The following RPN1 variants were observed in gnomAD, a reference collection of about 807,000 sequenced individuals.
RPN1 encodes the protein dolichyl-diphosphooligosaccharide--protein glycosyltransferase subunit 1.
A neutral mutation model predicts 55.5 loss-of-function variants in RPN1; 12 were observed. The observed-to-expected ratio is 0.22, with a 90% CI of 0.14 to 0.35. RPN1 has a LOEUF of 0.35. RPN1 is among the 10% of genes least tolerant of loss of function. The pLI, the probability that RPN1 is intolerant of heterozygous loss-of-function variation, is 1.00. For synonymous variants in RPN1, 317 were observed against 305.9 expected (o/e 1.04, Z -0.38); for missense variants, 679 against 761.3 (o/e 0.89, Z 1.27).
chr3:128,638,922 C>T (rs9853597), intron 2 of RPN1, among the ~76,000 whole-genome samples: 50,657 of 151,336 alleles, frequency 0.33, 8,763 homozygotes, highest in Middle Eastern at 0.42. Context: ...GCCAAGATAG[C>T]GCCACTACAC....
At chr3:128,643,283 C>G (rs371349841) in intron 2 of RPN1, among the ~76,000 whole-genome samples, 1 of 150,526 alleles carries the variant, frequency 6.6e-6, no homozygotes, top group African/African-American at 2.5e-5. Flanking sequence ...GCCGAGATCA[C>G]GCCACTGCAC....
chr3:128,639,474 AT>A (rs1167921771), intron 2 of RPN1, among the ~76,000 whole-genome samples: 68 of 150,902 alleles, frequency 4.5e-4, no homozygotes, highest in African/African-American at 1.3e-3. Flanking sequence ...AAAAAAAAAA[AT>A]GAATGAATGT....
At chr3:128,626,236 T>G (rs2069599201) in intron 6 of RPN1, among the ~76,000 whole-genome samples, 1 of 152,160 alleles carries the variant, frequency 6.6e-6, no homozygotes, top group Non-Finnish European at 1.5e-5. Context: ...GGGCAACAAC[T>G]GTCCCTCTGA....
At chr3:128,628,827 C>G (rs1322737697) in intron 5 of RPN1, among the ~76,000 whole-genome samples, 1 of 151,832 alleles carries the variant, frequency 6.6e-6, no homozygotes, top group Admixed American at 6.6e-5. Flanking sequence ...ACTAAAAATA[C>G]AAAAAATAAC....
chr3:128,635,612 G>GATATAT (rs112246211), intron 3 of RPN1, among the ~76,000 whole-genome samples: 1 of 125,720 alleles, frequency 8.0e-6, no homozygotes, highest in Non-Finnish European at 1.6e-5. Flanking sequence ...TATAACTTGA[G>GATATAT]ATATATATAT....
chr3:128,649,192 G>C (rs555273711), intron 1 of RPN1, among the ~76,000 whole-genome samples: 17 of 152,218 alleles, frequency 1.1e-4, no homozygotes, highest in African/African-American at 3.9e-4. Flanking sequence ...CTAATAATAG[G>C]CAGTTTTTTG....
chr3:128,632,657 C>A (rs2069650247), intron 3 of RPN1, among the ~76,000 whole-genome samples: 1 of 151,864 alleles, frequency 6.6e-6, no homozygotes, highest in Non-Finnish European at 1.5e-5. Context: ...TACAATGGTA[C>A]AACCTCAGCT....
Position 128,625,962 on chromosome 3 carries a change from A to T in RPN1, c.1187T>A (p.Leu396Gln). The change falls in exon 7 of 10, where the codon CTG (leucine) becomes CAG (glutamine). Residue 396 changes from leucine to glutamine, a missense_variant. By Grantham distance (113) the Leu-to-Gln change is moderately radical. This residue lies in a region of RPN1 where 306 missense variants were observed against 360.0 expected (regional missense o/e 0.85). Transcript: ENST00000296255. ...PYEISRAPDE[L>Q]HYTYLDTFGR... Reference sequence around the variant, plus strand: ...AAATGTGTCCAGATAGGTGTAGTGCAGCTCATCTGGGGCACGGCTGATTTC... The same window carrying T: ...AAATGTGTCCAGATAGGTGTAGTGCTGCTCATCTGGGGCACGGCTGATTTC... 1.2e-6 allele frequency: 2 copies of T among 1,612,718 alleles called. No individual in the cohort carries two copies. Among genetic ancestry groups the T allele is most frequent in the Non-Finnish European group, 1.7e-6 (2 of 1,179,410 alleles).
chr3:128,626,108 G>T, intron 6 of RPN1, 96 bp from the exon 7 acceptor site: 1 of 1,267,540 alleles, frequency 7.9e-7, no homozygotes, highest in South Asian at 1.4e-5. Flanking sequence ...AGCCTTTCAA[G>T]ATCACTAAAT....
At chr3:128,629,566 AAAAG>A (rs1453260890) in intron 5 of RPN1, among the ~76,000 whole-genome samples, 1 of 152,246 alleles carries the variant, frequency 6.6e-6, no homozygotes, top group Non-Finnish European at 1.5e-5. Context: ...CGTCTCAAAA[AAAAG>A]AAAGACTTGA....
intron 2 of RPN1, among the ~76,000 whole-genome samples, chr3:128,643,292 A>G (rs1300604987): frequency 6.7e-6 from 1 of 150,142 alleles, no homozygotes; most frequent in Non-Finnish European, 1.5e-5. Flanking sequence ...ACGCCACTGC[A>G]CTCCAGTCTG....
intron 1 of RPN1, among the ~76,000 whole-genome samples, chr3:128,645,360 CTCGGGAGGCTGA>C (rs1449355727): frequency 1.3e-5 from 2 of 152,008 alleles, no homozygotes; most frequent in African/African-American, 4.8e-5. Context: ...ATCCCAGCTA[CTCGGGAGGCTGA>C]GGCAGGAGAA....
At chr3:128,624,389 A>G (rs1202204810) in intron 8 of RPN1, among the ~76,000 whole-genome samples, 1 of 152,080 alleles carries the variant, frequency 6.6e-6, no homozygotes, top group East Asian at 1.9e-4. Flanking sequence ...CCAAGGCAGG[A>G]GAATTGCTCG....
In RPN1 at chr3:128,637,789, C is replaced by T. The variant is rs536387909; in HGVS notation, c.633+10G>A. The T allele has an allele frequency of 7.4e-5, 119 of 1,608,040 alleles. 1 individual carries two copies. In the South Asian group the frequency reaches 1.2e-3, roughly 17 times the overall value. On this transcript the variant is annotated intron_variant, in intron 3 of 9. Coordinates refer to ENST00000296255, the MANE Select transcript of RPN1 (RefSeq NM_002950.4). ...CAGACAGGGATGGGCTGGACTCCAC[C>T]TGAGCTTACCTGACTATAGGCAGGC...
intron 1 of RPN1, among the ~76,000 whole-genome samples, chr3:128,649,380 C>G (rs1241775123): frequency 2.0e-5 from 3 of 152,204 alleles, no homozygotes; most frequent in Non-Finnish European, 2.9e-5. Context: ...ATTTAACATT[C>G]AAGACATTCA....
Position 128,638,232 on chromosome 3 carries a change from T to C in RPN1, c.327-127A>G, listed in dbSNP as rs956609680. The stretch of plus-strand genomic sequence containing the variant: ...CAATTATCTTTAAGAGATCACCTTT[T>C]CCTTTTTGAGATGGAGTCTCACTCT... On this transcript the variant is annotated intron_variant, in intron 2 of 9. Coordinates refer to ENST00000296255, the MANE Select transcript of RPN1 (RefSeq NM_002950.4). 2.5e-5 allele frequency: 17 copies of C among 677,722 alleles called. No individual in the cohort carries two copies. In the Admixed American group the frequency reaches 4.3e-4, roughly 17 times the overall value. 42.0% of individuals were successfully genotyped at this position (677,722 alleles called of 1,614,324 possible). A position where few individuals can be genotyped will look rare whatever the true frequency, so the allele number is the denominator to read the frequency against.
chr3:128,644,847 TTATGATCCCA>T, intron 2 of RPN1, 62 bp downstream of exon 2: 1 of 873,174 alleles, frequency 1.1e-6, no homozygotes, highest in South Asian at 1.4e-5. Flanking sequence ...CTCTCCTAGT[TTATGATCCCA>T]TATGATCCCA....
intron 8 of RPN1, among the ~76,000 whole-genome samples, chr3:128,623,840 T>C (rs531807633): frequency 6.6e-6 from 1 of 152,290 alleles, no homozygotes; most frequent in South Asian, 2.1e-4. Flanking sequence ...TACCAGATTT[T>C]TGGCAACATT....
At chr3:128,630,885 G>A (rs1168221119) in intron 4 of RPN1, among the ~76,000 whole-genome samples, 16 of 151,872 alleles carry the variant, frequency 1.1e-4, no homozygotes, top group East Asian at 3.9e-4. Context: ...AGGCCGAGGC[G>A]GGCGGATCAC....
Sources: allele counts gnomAD v4.1 joint callset (sites outside exome capture counted in the v4.1 genomes callset), GRCh38; gene constraint gnomAD v4.1.1; regional missense constraint gnomAD v4.1.1; transcripts MANE v1.5; gene names NCBI Gene and HGNC (gene_info 2026-07-23, HGNC 2026-07-21).